The following BCAS3 variants were observed in gnomAD, a reference collection of about 807,000 sequenced individuals.
BCAS3 encodes the protein BCAS3 microtubule associated cell migration factor, also known as BCAS4/BCAS3 fusion.
A neutral mutation model predicts 116.1 loss-of-function variants in BCAS3; 53 were observed. That is an observed-to-expected ratio of 0.46 (90% CI 0.37 to 0.57). The LOEUF (loss-of-function observed/expected upper bound fraction) is 0.57, where lower values mean the gene tolerates loss of function less well. Among genes scored for constraint, BCAS3 ranks in the 20% least tolerant of loss-of-function variants. The probability of loss-of-function intolerance (pLI) is 0.00; values close to 1 mark genes in which losing one functional copy is unlikely to be tolerated. For synonymous variants in BCAS3, 391 were observed against 408.2 expected (o/e 0.96, Z 0.51); for missense variants, 917 against 1,165.4 (o/e 0.79, Z 3.10).
At position 61,095,844 on chromosome 17, in the gene BCAS3, TACACACACAC is replaced by T. The variant is rs10671633; in HGVS notation, c.2425+11300_2425+11309del. On this transcript the variant is annotated intron_variant, in intron 22 of 23. Transcript: ENST00000407086. This position sits in a 1 kb window ranked among gnomAD's most constrained non-coding sequence, Gnocchi z 4.7. ...AAAACCACTGGTATGCATATTCTCG[TACACACACAC>T]ACACACACACACACACACATTAAAT... 3.4e-5 allele frequency among the ~76,000 whole-genome samples: 5 copies of T among 146,346 alleles called. No homozygotes were observed. The highest frequency in any genetic ancestry group is 7.6e-5 in the Non-Finnish European group (5 of 65,974).
Position 60,762,201 on chromosome 17 carries a change from T to G in BCAS3, c.403+14922T>G, listed in dbSNP as rs192294581. ...TTTGCTGTGCATAAGCTCTTTAGTTTAATTAGGTCCCATTAGTCAATTTTG... is the reference window on the plus strand; with the variant it reads ...TTTGCTGTGCATAAGCTCTTTAGTTGAATTAGGTCCCATTAGTCAATTTTG... On this transcript the variant is annotated intron_variant, in intron 6 of 23. Coordinates refer to ENST00000407086, the MANE Select transcript of BCAS3 (RefSeq NM_017679.5). Among the ~76,000 whole-genome samples, 85 of 152,328 alleles carry G rather than the reference T, an allele frequency of 5.6e-4. 1 individual carries two copies. In the East Asian group the frequency reaches 0.014, roughly 26 times the overall value.
rs1322425403 is a variant in BCAS3, at chr17:61,013,278, A to T, written c.1487-2473A>T. 1.3e-5 allele frequency among the ~76,000 whole-genome samples: 2 copies of T among 152,110 alleles called. No homozygotes were observed. The highest frequency in any genetic ancestry group is 4.8e-5 in the African/African-American group (2 of 41,450). On this transcript the variant is annotated intron_variant, in intron 15 of 23. Transcript: ENST00000407086. This position sits in a 1 kb window ranked among gnomAD's most constrained non-coding sequence, Gnocchi z 4.4. The stretch of plus-strand genomic sequence containing the variant: ...AAACAGTCCCTTACAGTGTTATCTT[A>T]AGCTAAGGCACTCAACAAATATTTG...
At chr17:61,304,538 C>T (rs916139796) in intron 22 of BCAS3, among the ~76,000 whole-genome samples, 3 of 152,156 alleles carry the variant, frequency 2.0e-5, no homozygotes, top group Non-Finnish European at 2.9e-5. Context: ...CAGCACGTAA[C>T]GTCACCTCAT....
At chr17:61,273,376 A>C (rs1317619704) in intron 22 of BCAS3, among the ~76,000 whole-genome samples, 1 of 152,148 alleles carries the variant, frequency 6.6e-6, no homozygotes, top group Non-Finnish European at 1.5e-5. Context: ...GCATTTAAAA[A>C]ATACCATTTT....
intron 9 of BCAS3, among the ~76,000 whole-genome samples, chr17:60,886,712 T>C (rs1425824619): frequency 6.6e-6 from 1 of 152,006 alleles, no homozygotes; most frequent in Non-Finnish European, 1.5e-5. Context: ...CCGTGTGAGG[T>C]GTCAGTGTGC....
In BCAS3 at chr17:61,363,304, G is replaced by A. The variant is rs751092732; in HGVS notation, c.2426-5023G>A. Among the ~76,000 whole-genome samples, 22 of 152,188 alleles carry A rather than the reference G, an allele frequency of 1.4e-4. No individual in the cohort carries two copies. Among genetic ancestry groups the A allele is most frequent in the Non-Finnish European group, 2.9e-4 (20 of 68,028 alleles). On this transcript the variant is annotated intron_variant, in intron 22 of 23. Coordinates refer to ENST00000407086, the MANE Select transcript of BCAS3 (RefSeq NM_017679.5). The surrounding 1 kb of genome is among the most constrained non-coding windows in gnomAD (Gnocchi z 4.9). ...GGAAAGATAGAGCACCTTTTATGCC[G>A]TTAGAGTTTGAGCAAGAGTAGTCTT...
At chr17:61,102,929 A>C (rs1012451981) in intron 22 of BCAS3, among the ~76,000 whole-genome samples, 13 of 152,082 alleles carry the variant, frequency 8.5e-5, no homozygotes, top group African/African-American at 3.1e-4. Flanking sequence ...ATCATAATGT[A>C]TTATGAGCAT....
At chr17:60,738,312 TCTAA>T (rs2041183258) in intron 5 of BCAS3, among the ~76,000 whole-genome samples, 1 of 152,242 alleles carries the variant, frequency 6.6e-6, no homozygotes, top group Non-Finnish European at 1.5e-5. Flanking sequence ...TGTTAGAGTC[TCTAA>T]CTCTAATAGT....
intron 22 of BCAS3, among the ~76,000 whole-genome samples, chr17:61,185,103 C>T (rs987293116): frequency 5.3e-5 from 8 of 151,600 alleles, no homozygotes; most frequent in Non-Finnish European, 4.4e-5. Context: ...AATTAAAGCC[C>T]TTACAAAGCT....
In BCAS3 at chr17:61,391,842, C is replaced by T. The variant is rs1410809740; in HGVS notation, c.2594-135C>T. ...AGCTGCCCCCTGCCCATCCAGGGAGCAGGCGGGGATCCCCCTGCGGAAGGA... is the reference window on the plus strand; with the variant it reads ...AGCTGCCCCCTGCCCATCCAGGGAGTAGGCGGGGATCCCCCTGCGGAAGGA... On this transcript the variant is annotated intron_variant, in intron 23 of 23. Transcript: ENST00000407086. This position sits in a 1 kb window ranked among gnomAD's most constrained non-coding sequence, Gnocchi z 7.7. 4.3e-6 allele frequency: 4 copies of T among 924,582 alleles called. No homozygotes were observed. In the Admixed American group the frequency reaches 9.2e-5, roughly 21 times the overall value. The allele number at this position is 924,582 out of a possible 1,614,324, so 57.3% of individuals were successfully genotyped here.
rs988960920 is a variant in BCAS3 at position 60,959,235 on chromosome 17, A to C, written c.1221+11883A>C. Among the ~76,000 whole-genome samples the C allele has an allele frequency of 4.6e-5, 7 of 152,058 alleles. No individual in the cohort carries two copies. The East Asian group carries it at 1.3e-3, about 29-fold the overall frequency. The stretch of plus-strand genomic sequence containing the variant: ...GGTGGAAGGATCGCTTGAGCCTGGG[A>C]GGTCAAGACTGCAGTGAGTCATGAT... On this transcript the variant is annotated intron_variant, in intron 14 of 23. Coordinates refer to ENST00000407086, the MANE Select transcript of BCAS3 (RefSeq NM_017679.5).
intron 5 of BCAS3, 134 bp from the exon 6 acceptor site, chr17:60,747,064 A>G: frequency 3.7e-6 from 2 of 544,564 alleles, no homozygotes; most frequent in Non-Finnish European, 6.5e-6. Flanking sequence ...ATGACCAATG[A>G]TAAATGGGTG....
At chr17:60,756,386 T>G (rs2042987484) in intron 6 of BCAS3, among the ~76,000 whole-genome samples, 1 of 152,168 alleles carries the variant, frequency 6.6e-6, no homozygotes, top group Non-Finnish European at 1.5e-5. Flanking sequence ...ACTGTGTGTT[T>G]GTACCCATTA....
intron 14 of BCAS3, among the ~76,000 whole-genome samples, chr17:60,977,076 C>T (rs914949678): frequency 1.3e-5 from 2 of 152,056 alleles, no homozygotes; most frequent in Admixed American, 6.6e-5. Flanking sequence ...CTGCCCTGCA[C>T]CTCCCGGACG....
chr17:61,203,054 T>A lies in BCAS3; in HGVS notation c.2425+118490T>A, dbSNP rs2080930246. Among the ~76,000 whole-genome samples, 2 of 152,212 alleles carry A rather than the reference T, an allele frequency of 1.3e-5. No individual in the cohort carries two copies. Among genetic ancestry groups the A allele is most frequent in the South Asian group, 4.1e-4 (2 of 4,836 alleles). On this transcript the variant is annotated intron_variant, in intron 22 of 23. Transcript: ENST00000407086. This position sits in a 1 kb window ranked among gnomAD's most constrained non-coding sequence, Gnocchi z 5.7. The stretch of plus-strand genomic sequence containing the variant: ...AGAAGTTTACTGTGCACTAGCTCTC[T>A]CTTCAAAAAAATTATTTAAGTTACA...
chr17:61,373,773 A>C, intron 23 of BCAS3, among the ~76,000 whole-genome samples: 1 of 111,956 alleles, frequency 8.9e-6, no homozygotes, highest in Non-Finnish European at 1.9e-5. Flanking sequence ...TGCAGGAAGT[A>C]TCTGTTTGCT....
At chr17:61,263,435 A>T (rs756127571) in intron 22 of BCAS3, among the ~76,000 whole-genome samples, 42 of 152,226 alleles carry the variant, frequency 2.8e-4, no homozygotes, top group Non-Finnish European at 4.7e-4. Flanking sequence ...TTTGCCCTTC[A>T]TTCTCTTTCC....
chr17:61,212,014 CT>C (rs1322061655), intron 22 of BCAS3, among the ~76,000 whole-genome samples: 1 of 152,176 alleles, frequency 6.6e-6, no homozygotes, highest in Non-Finnish European at 1.5e-5. Flanking sequence ...TGCAAATAAT[CT>C]TTTCTGTAAG....
intron 22 of BCAS3, among the ~76,000 whole-genome samples, chr17:61,331,730 A>T (rs961945243): frequency 6.6e-6 from 1 of 152,216 alleles, no homozygotes; most frequent in Non-Finnish European, 1.5e-5. Flanking sequence ...CAGTGTGGGA[A>T]AGTGAAAGGA....
Sources: gnomAD v4.1 joint callset for allele counts (sites outside exome capture counted in the v4.1 genomes callset) on GRCh38, gnomAD v4.1.1 for gene constraint, Gnocchi (gnomAD v3.1) non-coding constraint, MANE v1.5 for transcripts, NCBI Gene and HGNC (gene_info 2026-07-23, HGNC 2026-07-21) for gene names.